ASTN2: variants seen among roughly 807,000 people sequenced by gnomAD.
The protein encoded by ASTN2 is astrotactin-2.
Under a neutral mutation model 139.8 loss-of-function variants are expected in ASTN2, and 54 were observed. The ratio of observed to expected loss-of-function variants is 0.39; its 90% CI spans 0.31 to 0.48. The LOEUF (loss-of-function observed/expected upper bound fraction) is 0.48, where lower values mean the gene tolerates loss of function less well. Ranked by LOEUF, ASTN2 falls within the 20% of genes least tolerant of loss-of-function variation. The pLI is 0.95. For missense variants in ASTN2, 1,565 were observed against 1,725.1 expected (o/e 0.91, Z 1.64); for synonymous variants, 756 against 719.5 (o/e 1.05, Z -0.81).
intron 6 of ASTN2, among the ~76,000 whole-genome samples, chr9:117,020,928 C>A (rs1390428598): frequency 7.3e-6 from 1 of 137,174 alleles, no homozygotes; most frequent in African/African-American, 3.4e-5. Context: ...CAGTTCCCTC[C>A]CCACACTCTC....
intron 15 of ASTN2, among the ~76,000 whole-genome samples, chr9:116,727,051 C>G (rs1378627460): frequency 4.6e-5 from 6 of 131,716 alleles, no homozygotes; most frequent in Non-Finnish European, 1.0e-4. Flanking sequence ...CACACACACA[C>G]ACACCTGAAA....
At chr9:116,775,107 G>A (rs1830046242) in intron 13 of ASTN2, among the ~76,000 whole-genome samples, 1 of 152,104 alleles carries the variant, frequency 6.6e-6, no homozygotes, top group Non-Finnish European at 1.5e-5. Context: ...GGAATGGAAT[G>A]GGATTCAGGT....
intron 19 of ASTN2, among the ~76,000 whole-genome samples, chr9:116,529,831 C>T (rs924204792): frequency 6.6e-6 from 1 of 152,024 alleles, no homozygotes; most frequent in African/African-American, 2.4e-5. Context: ...CCTTCAACTT[C>T]CACCATGTTT....
At chr9:117,057,923 C>G (rs1352951080) in intron 5 of ASTN2, among the ~76,000 whole-genome samples, 1 of 152,166 alleles carries the variant, frequency 6.6e-6, no homozygotes, top group Non-Finnish European at 1.5e-5. Context: ...TACTCCATGT[C>G]TAGTGTGGAA....
At chr9:117,234,979 A>C (rs932561766) in intron 2 of ASTN2, among the ~76,000 whole-genome samples, 2 of 152,188 alleles carry the variant, frequency 1.3e-5, no homozygotes, top group Non-Finnish European at 2.9e-5. Context: ...CACGCCTGTA[A>C]TCCCAGCACT....
In ASTN2 at chr9:116,673,988, T is replaced by C. The variant is rs554281694; in HGVS notation, c.2807-22195A>G. Among the ~76,000 whole-genome samples the C allele has an allele frequency of 4.6e-5, 7 of 152,344 alleles. No homozygotes were observed. The East Asian group carries it at 1.3e-3, about 29-fold the overall frequency. The stretch of plus-strand genomic sequence containing the variant: ...TCCTGGGCATAGGCTGAACTAACTT[T>C]GGGAGAAACTTAGTTTGTAGTTTAT... On this transcript the variant is annotated intron_variant, in intron 16 of 22. Coordinates refer to ENST00000313400, the MANE Select transcript of ASTN2 (RefSeq NM_001365068.1).
intron 1 of ASTN2, among the ~76,000 whole-genome samples, chr9:117,307,108 A>T (rs1835020179): frequency 1.3e-5 from 2 of 152,218 alleles, no homozygotes; most frequent in South Asian, 4.1e-4. Flanking sequence ...CCCTGTGAAA[A>T]TGTTCAACCG....
intron 1 of ASTN2, among the ~76,000 whole-genome samples, chr9:117,343,933 T>C (rs1240325156): frequency 6.7e-6 from 1 of 150,348 alleles, no homozygotes; most frequent in Non-Finnish European, 1.5e-5. Context: ...CAGAAGAAAG[T>C]AGAAAGTAGA....
chr9:117,266,261 C>T (rs1370167182), intron 2 of ASTN2, among the ~76,000 whole-genome samples: 2 of 152,208 alleles, frequency 1.3e-5, no homozygotes, highest in South Asian at 2.1e-4. Flanking sequence ...GCCATGGGAT[C>T]CAGTAATAAG....
At chr9:117,277,435 G>A (rs547401851) in intron 2 of ASTN2, 7 of 152,300 alleles carry the variant, frequency 4.6e-5, no homozygotes, top group South Asian at 2.1e-4. Flanking sequence ...CATATTTAAT[G>A]TATATAACTC....
At chr9:117,046,902 C>T (rs1421505169) in intron 5 of ASTN2, among the ~76,000 whole-genome samples, 4 of 152,264 alleles carry the variant, frequency 2.6e-5, no homozygotes, top group Admixed American at 6.5e-5. Flanking sequence ...TGGAATGCTG[C>T]TATTGGTATT....
intron 13 of ASTN2, among the ~76,000 whole-genome samples, chr9:116,772,488 A>C (rs1252929775): frequency 6.6e-6 from 1 of 152,192 alleles, no homozygotes; most frequent in Non-Finnish European, 1.5e-5. Flanking sequence ...CCCAGCCTCA[A>C]GTATGTATTT....
chr9:117,374,609 A>T (rs553762989), intron 1 of ASTN2, among the ~76,000 whole-genome samples: 1 of 152,150 alleles, frequency 6.6e-6, no homozygotes, highest in East Asian at 1.9e-4. Context: ...TAATTCAAAT[A>T]CAAAAGAAGG....
chr9:117,236,763 T>C lies in ASTN2; in HGVS notation c.631-22021A>G, dbSNP rs371560993. The stretch of plus-strand genomic sequence containing the variant: ...TGCAAAGGGTATCCTCTCTCTGCTT[T>C]AGTTTTCTCACCTATAAAATGAACA... On this transcript the variant is annotated intron_variant, in intron 2 of 22. Transcript: ENST00000313400. Among the ~76,000 whole-genome samples, 10 of 152,328 alleles carry C rather than the reference T, an allele frequency of 6.6e-5. No individual in the cohort carries two copies. The South Asian group carries it at 2.1e-3, about 32-fold the overall frequency.
chr9:116,586,290 G>C (rs1404592168), intron 19 of ASTN2: 4 of 152,088 alleles, frequency 2.6e-5, no homozygotes. Flanking sequence ...CCCATTACTG[G>C]GTATATATCC....
chr9:116,643,570 C>T (rs1456931455), intron 17 of ASTN2, among the ~76,000 whole-genome samples: 2 of 152,144 alleles, frequency 1.3e-5, no homozygotes, highest in Non-Finnish European at 2.9e-5. Context: ...TGGGTTCAAG[C>T]TTCTCTGGGG....
At chr9:116,703,721 T>G (rs1827913454) in intron 16 of ASTN2, among the ~76,000 whole-genome samples, 1 of 66,964 alleles carries the variant, frequency 1.5e-5, no homozygotes, top group African/African-American at 3.6e-5. Context: ...AAACTTAAAG[T>G]ATAATAATAA....
intron 1 of ASTN2, among the ~76,000 whole-genome samples, chr9:117,382,858 G>A (rs1038466922): frequency 1.3e-5 from 2 of 152,146 alleles, no homozygotes; most frequent in African/African-American, 2.4e-5. Flanking sequence ...AAATGGCCAC[G>A]TGTGAACCAT....
At chr9:116,612,547 G>C (rs912305101) in intron 19 of ASTN2, 5 of 152,128 alleles carry the variant, frequency 3.3e-5, no homozygotes, top group African/African-American at 1.2e-4. Context: ...AATCAAACTA[G>C]AACTCAGGAT....
Sources: gnomAD v4.1 joint callset for allele counts (sites outside exome capture counted in the v4.1 genomes callset) on GRCh38, gnomAD v4.1.1 for gene constraint, MANE v1.5 for transcripts, NCBI Gene and HGNC (gene_info 2026-07-23, HGNC 2026-07-21) for gene names.